Variants in PAX2 observed in about 807,000 individuals in gnomAD.
PAX2 encodes the protein paired box protein Pax-2.
PAX2 carries 9 observed loss-of-function variants against 41.7 expected under a neutral mutation model. The ratio of observed to expected loss-of-function variants is 0.22; its 90% CI spans 0.13 to 0.38. PAX2 has a LOEUF of 0.38. PAX2 is among the 10% of genes least tolerant of loss of function. The probability of loss-of-function intolerance (pLI) is 1.00; values close to 1 mark genes in which losing one functional copy is unlikely to be tolerated. For synonymous variants in PAX2, 221 were observed against 212.7 expected (o/e 1.04, Z -0.34); for missense variants, 418 against 531.6 (o/e 0.79, Z 2.10).
intron 3 of PAX2, among the ~76,000 whole-genome samples, chr10:100,760,711 C>T (rs1337603158): frequency 6.6e-6 from 1 of 151,942 alleles, no homozygotes; most frequent in Non-Finnish European, 1.5e-5. Flanking sequence ...ACTATCCCTT[C>T]CCCCAGTCCC....
intron 3 of PAX2, among the ~76,000 whole-genome samples, chr10:100,762,971 C>T (rs929239783): frequency 4.6e-5 from 7 of 152,162 alleles, no homozygotes; most frequent in African/African-American, 1.7e-4. Context: ...GTTCGGTAGG[C>T]AGTCGAGGAT....
Position 100,809,192 on chromosome 10 carries a change from T to G in PAX2, c.875T>G (p.Leu292Arg). The change falls in exon 7 of 10, where the codon CTG becomes CGG. Residue 292 changes from leucine to arginine, a missense_variant. Leu to Arg is a moderately radical substitution (Grantham distance 102). Transcript: ENST00000355243. ...SSLSASTNPE[L>R]GSNVSGTQTY... ...CTATCTGCATCCACCAACCCTGAGCTGGGCAGCAACGTGTCAGGCACACAG... is the reference window on the plus strand; with the variant it reads ...CTATCTGCATCCACCAACCCTGAGCGGGGCAGCAACGTGTCAGGCACACAG... The G allele has an allele frequency of 1.2e-6, 2 of 1,613,974 alleles. No individual in the cohort carries two copies. The highest frequency in any genetic ancestry group is 1.7e-6 in the Non-Finnish European group (2 of 1,179,900).
chr10:100,750,324 G>C lies in PAX2; in HGVS notation c.213-370G>C, dbSNP rs997909829. 1.3e-5 allele frequency among the ~76,000 whole-genome samples: 2 copies of C among 152,092 alleles called. No homozygotes were observed. Among genetic ancestry groups the C allele is most frequent in the African/African-American group, 4.8e-5 (2 of 41,430 alleles). ...GGGTCCTGGTTCCCACAGATGCTCT[G>C]TGCCCAGTAGGAAAGGGCTCGAGGT... On this transcript the variant is annotated intron_variant, in intron 2 of 9. Coordinates refer to ENST00000355243, the MANE Select transcript of PAX2 (RefSeq NM_000278.5). The surrounding 1 kb of genome is among the most constrained non-coding windows in gnomAD (Gnocchi z 4.1).
chr10:100,769,674 A>AAAATAAAATAAAAT (rs1564717092), intron 3 of PAX2, among the ~76,000 whole-genome samples: 1 of 133,990 alleles, frequency 7.5e-6, no homozygotes, highest in Non-Finnish European at 1.6e-5. Flanking sequence ...TAAAATAAAA[A>AAAATAAAATAAAAT]AATAAAAAAC....
intron 3 of PAX2, among the ~76,000 whole-genome samples, chr10:100,778,778 C>A (rs1032925115): frequency 6.6e-6 from 1 of 152,180 alleles, no homozygotes; most frequent in Non-Finnish European, 1.5e-5. Context: ...ACCAGGCTGG[C>A]AAAGACGCTG....
intron 3 of PAX2, among the ~76,000 whole-genome samples, chr10:100,771,133 T>G (rs1437073962): frequency 6.6e-6 from 1 of 152,210 alleles, no homozygotes; most frequent in Non-Finnish European, 1.5e-5. Flanking sequence ...TGCCAGCTTT[T>G]TGGTAGGACT....
At chr10:100,752,113 G>T (rs753580490) in intron 3 of PAX2, among the ~76,000 whole-genome samples, 1 of 152,208 alleles carries the variant, frequency 6.6e-6, no homozygotes, top group Non-Finnish European at 1.5e-5. Context: ...GGCTAAAGAA[G>T]ATTCCCTCTG....
intron 6 of PAX2, among the ~76,000 whole-genome samples, chr10:100,806,870 G>A (rs930531598): frequency 2.0e-5 from 3 of 152,088 alleles, no homozygotes; most frequent in African/African-American, 2.4e-5. Flanking sequence ...TCAGAGCCTC[G>A]GTTTCCCCAT....
At chr10:100,747,110 G>C (rs764497219) in intron 1 of PAX2, 3 of 152,302 alleles carry the variant, frequency 2.0e-5, no homozygotes, top group Non-Finnish European at 2.9e-5. Context: ...GTCAGGGAGA[G>C]AGCCAGCAGC....
intron 3 of PAX2, among the ~76,000 whole-genome samples, chr10:100,763,285 G>T (rs1411819754): frequency 6.6e-6 from 1 of 152,218 alleles, no homozygotes; most frequent in Non-Finnish European, 1.5e-5. Context: ...ATCTATAAAG[G>T]TTGTCGATAT....
chr10:100,739,155 G>T lies in PAX2; in HGVS notation c.25+3422G>T, dbSNP rs574940547. ...GGGACGTCCTGGCTCCAGGCTGGAC[G>T]TAGGCGGAGGTGGCAGGAGTGGACA... On this transcript the variant is annotated intron_variant, in intron 1 of 9. Coordinates refer to the PAX2 transcript ENST00000679374. Among the ~76,000 whole-genome samples, 12 of 152,256 alleles carry T rather than the reference G, an allele frequency of 7.9e-5. No individual in the cohort carries two copies. The South Asian group carries it at 2.5e-3, about 32-fold the overall frequency.
chr10:100,744,280 G>C (rs1845067445), upstream of PAX2, among the ~76,000 whole-genome samples: 1 of 152,236 alleles, frequency 6.6e-6, no homozygotes, highest in Non-Finnish European at 1.5e-5. Flanking sequence ...CGCAAGCTTC[G>C]CCGAGCCGCC....
At chr10:100,794,118 T>C (rs1847237395) in intron 5 of PAX2, among the ~76,000 whole-genome samples, 1 of 152,222 alleles carries the variant, frequency 6.6e-6, no homozygotes, top group Admixed American at 6.5e-5. Context: ...CATCCTGTCT[T>C]ATCTGCCACT....
intron 3 of PAX2, among the ~76,000 whole-genome samples, chr10:100,764,243 ATGCCATTCTTC>A (rs952426807): frequency 4.2e-5 from 6 of 144,452 alleles, no homozygotes; most frequent in Admixed American, 7.4e-5. Context: ...TCCCGGGTTC[ATGCCATTCTTC>A]TGCCTCAGCC....
At chr10:100,808,965 C>A in intron 6 of PAX2, 145 bp from the exon 7 acceptor site, 1 of 777,574 alleles carries the variant, frequency 1.3e-6, no homozygotes, top group Non-Finnish European at 2.2e-6. Context: ...CATCATCCAC[C>A]AAGCCCCCGC....
chr10:100,793,945 T>C (rs1203376678), intron 5 of PAX2, among the ~76,000 whole-genome samples: 1 of 152,164 alleles, frequency 6.6e-6, no homozygotes, highest in African/African-American at 2.4e-5. Context: ...GTTCATTAAA[T>C]GCCCAGACAC....
chr10:100,771,811 C>CTT (rs35627308), intron 3 of PAX2, among the ~76,000 whole-genome samples: 3 of 148,552 alleles, frequency 2.0e-5, no homozygotes, highest in African/African-American at 7.4e-5. Flanking sequence ...CAAATATCTT[C>CTT]TTTTTTTTTT....
At position 100,828,124 on chromosome 10, in the gene PAX2, C is replaced by T; in HGVS notation, c.*505C>T. On this transcript the variant is annotated 3_prime_UTR_variant, in exon 10 of 10. Coordinates refer to ENST00000355243, the MANE Select transcript of PAX2 (RefSeq NM_000278.5). This position sits in a 1 kb window ranked among gnomAD's most constrained non-coding sequence, Gnocchi z 6.5. ...TGGGCCAAGGAGATTAAGAAGAAAACGACTTTCTGCAGGAGGAAGAGCCCG... is the reference window on the plus strand; with the variant it reads ...TGGGCCAAGGAGATTAAGAAGAAAATGACTTTCTGCAGGAGGAAGAGCCCG... 1 of 230,634 alleles carries T rather than the reference C, an allele frequency of 4.3e-6. No individual in the cohort carries two copies. The allele number at this position is 230,634 out of a possible 1,614,324, so 14.3% of individuals were successfully genotyped here.
At position 100,750,897 on chromosome 10, in the gene PAX2, C is replaced by G. The variant is rs1297583668; in HGVS notation, c.410+6C>G. 1 of 1,612,112 alleles carries G rather than the reference C, an allele frequency of 6.2e-7. No individual in the cohort carries two copies. Among genetic ancestry groups the G allele is most frequent in the African/African-American group, 1.3e-5 (1 of 75,038 alleles). ...AGCGTCTCTTCCATCAACAGGTGAG[C>G]AAGCCACCCGGGTTTTCAGGGCTGG... is the stretch of plus-strand genomic sequence containing the variant. On this transcript the variant is annotated splice_donor_region_variant and intron_variant, in intron 3 of 9. Coordinates refer to ENST00000355243, the MANE Select transcript of PAX2 (RefSeq NM_000278.5). The surrounding 1 kb of genome is among the most constrained non-coding windows in gnomAD (Gnocchi z 4.1).
Sources: allele counts gnomAD v4.1 joint callset (sites outside exome capture counted in the v4.1 genomes callset), GRCh38; gene constraint gnomAD v4.1.1; non-coding constraint Gnocchi (gnomAD v3.1); transcripts MANE v1.5; gene names NCBI Gene and HGNC (gene_info 2026-07-23, HGNC 2026-07-21).